Variants in LRP6 observed in about 807,000 individuals in gnomAD.
LRP6 encodes LDL receptor related protein 6.
Under a neutral mutation model 184.1 loss-of-function variants are expected in LRP6, and 43 were observed. The observed-to-expected ratio is 0.23, with a 90% confidence interval of 0.18 to 0.30. LRP6 has a LOEUF of 0.30. Ranked by LOEUF, LRP6 falls within the 10% of genes least tolerant of loss-of-function variation. LRP6 has a pLI of 1.00. For synonymous variants in LRP6, 719 were observed against 684.9 expected (o/e 1.05, Z -0.78); for missense variants, 1,571 against 2,005.3 (o/e 0.78, Z 4.14).
rs12311202 is a variant in LRP6, at chr12:12,130,519, G to A, written c.4081+264C>T. ...TGTATCTAAATGATTTGAGAATTTT[G>A]TAACTTTGGTTATAGTAAAATAATA... On this transcript the variant is annotated intron_variant, in intron 19 of 22. Transcript: ENST00000261349. Among the ~76,000 whole-genome samples, 10,365 of 152,178 alleles carry A rather than the reference G, an allele frequency of 0.068. 463 individuals are homozygous for A. The highest frequency in any genetic ancestry group is 0.11 in the Admixed American group (1,635 of 15,286).
At chr12:12,188,804 A>T (rs1863541944) in intron 3 of LRP6, among the ~76,000 whole-genome samples, 1 of 152,150 alleles carries the variant, frequency 6.6e-6, no homozygotes, top group Non-Finnish European at 1.5e-5. Flanking sequence ...TACTAAAGAG[A>T]CTATATTATT....
At chr12:12,206,922 A>C (rs1487465767) in intron 2 of LRP6, among the ~76,000 whole-genome samples, 1 of 151,202 alleles carries the variant, frequency 6.6e-6, no homozygotes, top group African/African-American at 2.4e-5. Context: ...CTCTCCCTTA[A>C]GCAATTAAAA....
chr12:12,127,159 G>A (rs767029347), intron 19 of LRP6, among the ~76,000 whole-genome samples: 6 of 152,134 alleles, frequency 3.9e-5, no homozygotes, highest in Non-Finnish European at 8.8e-5. Flanking sequence ...AAAACAATAG[G>A]TTGGAAAGTG....
At chr12:12,209,219 A>G (rs1046038751) in intron 2 of LRP6, among the ~76,000 whole-genome samples, 5 of 152,248 alleles carry the variant, frequency 3.3e-5, no homozygotes, top group Non-Finnish European at 7.3e-5. Flanking sequence ...CTTGTACAAT[A>G]TAATTTAGGT....
At chr12:12,211,125 G>A (rs1864197321) in intron 2 of LRP6, 1 of 152,192 alleles carries the variant, frequency 6.6e-6, no homozygotes, top group Admixed American at 6.5e-5. Context: ...TTTTTACAGA[G>A]AATATACAGT....
intron 17 of LRP6, 57 bp from the exon 18 acceptor site, chr12:12,132,114 G>A (rs1353302838): frequency 1.1e-5 from 12 of 1,053,310 alleles, no homozygotes; most frequent in South Asian, 1.1e-4. Context: ...TCACACAGAA[G>A]TACAAACACA....
intron 12 of LRP6, among the ~76,000 whole-genome samples, chr12:12,151,548 C>T (rs1270214374): frequency 1.3e-5 from 2 of 151,870 alleles, no homozygotes; most frequent in Non-Finnish European, 2.9e-5. Context: ...CACTGAGCCT[C>T]TCTAGGCCAA....
chr12:12,173,563 A>T (rs1281348002), intron 7 of LRP6, among the ~76,000 whole-genome samples: 3 of 151,928 alleles, frequency 2.0e-5, no homozygotes, highest in Non-Finnish European at 4.4e-5. Context: ...GGCTTGTCTC[A>T]AACTCCTGGG....
chr12:12,192,262 T>C (rs1863638322), intron 3 of LRP6, among the ~76,000 whole-genome samples: 2 of 151,598 alleles, frequency 1.3e-5, no homozygotes, highest in Admixed American at 1.3e-4. Context: ...ATCCCTAAAA[T>C]AATTACCTTT....
At chr12:12,180,288 ACTTT>A (rs781216927) in intron 6 of LRP6, among the ~76,000 whole-genome samples, 109 of 146,750 alleles carry the variant, frequency 7.4e-4, no homozygotes, top group Non-Finnish European at 1.3e-3. Flanking sequence ...TTTTCCATGA[ACTTT>A]CTCTCTCTTT....
At chr12:12,265,294 T>A (rs537475368) in intron 1 of LRP6, among the ~76,000 whole-genome samples, 1 of 152,354 alleles carries the variant, frequency 6.6e-6, no homozygotes, top group Non-Finnish European at 1.5e-5. Flanking sequence ...GAACACTACC[T>A]TTCCGGGGTT....
chr12:12,259,274 A>AG (rs1472808505), intron 1 of LRP6, among the ~76,000 whole-genome samples: 1 of 151,960 alleles, frequency 6.6e-6, no homozygotes, highest in East Asian at 1.9e-4. Context: ...AAAAAAAAAA[A>AG]AAAAAAAGAC....
At chr12:12,263,190 G>C (rs1865664408) in intron 1 of LRP6, among the ~76,000 whole-genome samples, 2 of 151,698 alleles carry the variant, frequency 1.3e-5, no homozygotes, top group South Asian at 4.2e-4. Flanking sequence ...GCTTGAACCC[G>C]GGAGGCGGAG....
chr12:12,193,612 C>T (rs770939358), intron 3 of LRP6, among the ~76,000 whole-genome samples: 6 of 151,850 alleles, frequency 4.0e-5, no homozygotes, highest in Non-Finnish European at 8.8e-5. Context: ...CAACTTTATG[C>T]CAACAAATTA....
chr12:12,163,405 A>G (rs1339645875), intron 9 of LRP6, among the ~76,000 whole-genome samples: 1 of 152,188 alleles, frequency 6.6e-6, no homozygotes, highest in African/African-American at 2.4e-5. Flanking sequence ...CCAACACCCC[A>G]TGTTTTCGCA....
intron 3 of LRP6, among the ~76,000 whole-genome samples, chr12:12,202,075 G>A (rs997195859): frequency 2.0e-5 from 3 of 152,138 alleles, no homozygotes; most frequent in African/African-American, 7.2e-5. Flanking sequence ...TAAAACACAA[G>A]AATCCAAATA....
At chr12:12,150,675 A>T (rs1231669558) in intron 13 of LRP6, among the ~76,000 whole-genome samples, 161 bp downstream of exon 13, 1 of 152,242 alleles carries the variant, frequency 6.6e-6, no homozygotes, top group African/African-American at 2.4e-5. Flanking sequence ...CTTACTCAAA[A>T]TATCGTCAGA....
intron 1 of LRP6, among the ~76,000 whole-genome samples, chr12:12,246,925 CCTAA>C (rs922875611): frequency 2.6e-5 from 4 of 152,142 alleles, no homozygotes; most frequent in African/African-American, 4.8e-5. Context: ...CATAAACTTC[CCTAA>C]CTAAGCTTAA....
chr12:12,224,782 A>G (rs1177120271), intron 2 of LRP6, among the ~76,000 whole-genome samples: 3 of 152,244 alleles, frequency 2.0e-5, no homozygotes, highest in Admixed American at 6.5e-5. Flanking sequence ...CTGCAGGTAC[A>G]TTGTCTTTCA....
Sources: gnomAD v4.1 joint callset for allele counts (sites outside exome capture counted in the v4.1 genomes callset) on GRCh38, gnomAD v4.1.1 for gene constraint, MANE v1.5 for transcripts, NCBI Gene and HGNC (gene_info 2026-07-23, HGNC 2026-07-21) for gene names.